Variants in LRRC47 observed in about 807,000 individuals in gnomAD.
The protein encoded by LRRC47 is leucine rich repeat containing 47, also known as leucine-rich repeat-containing protein 47.
A neutral mutation model predicts 40.9 loss-of-function variants in LRRC47; 31 were observed. That is an observed-to-expected ratio of 0.76 (90% CI 0.57 to 1.02). LRRC47 has a LOEUF of 1.02. Among genes scored for constraint, LRRC47 ranks in the 50% least tolerant of loss-of-function variants. The pLI, the probability that LRRC47 is intolerant of heterozygous loss-of-function variation, is 0.00. For missense variants in LRRC47, 726 were observed against 796.1 expected (o/e 0.91, Z 1.06); for synonymous variants, 427 against 371.9 (o/e 1.15, Z -1.70).
In LRRC47 at chr1:3,781,001, G is replaced by C; in HGVS notation, c.*87C>G. 2.0e-6 allele frequency: 3 copies of C among 1,534,730 alleles called. No homozygotes were observed. On this transcript the variant is annotated 3_prime_UTR_variant, in exon 7 of 7. Transcript: ENST00000378251. ...AAAAAAAAAACCAACAAAAAAACTG[G>C]GGTGAAAATCTAACGGATAATTCAG...
chr1:3,787,452 C>T (rs887076767), intron 1 of LRRC47, 142 bp from the exon 2 acceptor site: 17 of 760,170 alleles, frequency 2.2e-5, no homozygotes, highest in African/African-American at 3.5e-5. Flanking sequence ...TGGGGAGCCA[C>T]AAGTCATTCA....
chr1:3,781,385 G>A lies in LRRC47; in HGVS notation c.1504-49C>T, dbSNP rs763453745. 5.0e-6 allele frequency: 8 copies of A among 1,595,304 alleles called. No individual in the cohort carries two copies. In the Admixed American group the frequency reaches 5.1e-5, roughly 10 times the overall value. ...AACCTGGAGATGAGAGGTGACCCAG[G>A]GAAGACATGCTGCTGTCTGCCAACA... is the stretch of plus-strand genomic sequence containing the variant. On this transcript the variant is annotated intron_variant, in intron 6 of 6. Coordinates refer to ENST00000378251, the MANE Select transcript of LRRC47 (RefSeq NM_020710.3).
In LRRC47 at chr1:3,780,856, G is replaced by A. The variant is rs571478573; in HGVS notation, c.*232C>T. ...CTGAGCTTAGTGGCACACACCTGTA[G>A]TCCCAGCTACTTGGGAGGCTGAGGC... On this transcript the variant is annotated 3_prime_UTR_variant, in exon 7 of 7. Transcript: ENST00000378251. The A allele has an allele frequency of 1.6e-4, 89 of 570,570 alleles. No homozygotes were observed. The highest frequency in any genetic ancestry group is 1.5e-3 in the African/African-American group (81 of 53,230). 35.3% of individuals were successfully genotyped at this position (570,570 alleles called of 1,614,324 possible). A position where few individuals can be genotyped will look rare whatever the true frequency, so the allele number is the denominator to read the frequency against.
intron 1 of LRRC47, 29 bp from the exon 2 acceptor site, chr1:3,787,339 C>A: frequency 6.3e-7 from 1 of 1,579,590 alleles, no homozygotes; most frequent in Non-Finnish European, 8.6e-7. Context: ...ACGCGTCAGA[C>A]GCCCGGACTC....
rs181794904 is a variant in LRRC47, at chr1:3,795,547, C to A, written c.615+315G>T. 4.6e-5 allele frequency among the ~76,000 whole-genome samples: 7 copies of A among 152,296 alleles called. 1 individual carries two copies. In the East Asian group the frequency reaches 1.2e-3, roughly 25 times the overall value. On this transcript the variant is annotated intron_variant, in intron 1 of 6. Transcript: ENST00000378251. ...TACAAAAAAGACAGGTCTCTACGCT[C>A]GATCTACAGGAGAAGCCAGGTTTGC... is the stretch of plus-strand genomic sequence containing the variant.
chr1:3,782,830 A>G, intron 4 of LRRC47, 67 bp from the exon 5 acceptor site: 1 of 1,008,812 alleles, frequency 9.9e-7, no homozygotes, highest in East Asian at 2.4e-5. Flanking sequence ...GTGTGGTGGC[A>G]TGTGCCTGTG....
rs746227070 is a variant in LRRC47, at chr1:3,786,918, A to G, written c.1008T>C (p.Ile336=). Residue 336 remains isoleucine (I), a synonymous_variant, in exon 2 of 7, where the codon ATT becomes ATC. Transcript: ENST00000378251. ...CCATGCCTCGCACCACGGCCCCCAC[A>G]ATGTAGGGCCGCACATCCCGGACCT... ...SPEVRDVRPY[I]VGAVVRGMDL... 1 of 1,607,534 alleles carries G rather than the reference A, an allele frequency of 6.2e-7. No homozygotes were observed. Among genetic ancestry groups the G allele is most frequent in the Non-Finnish European group, 8.5e-7 (1 of 1,177,332 alleles).
intron 1 of LRRC47, among the ~76,000 whole-genome samples, chr1:3,789,135 C>T (rs778991045): frequency 7.2e-5 from 11 of 152,262 alleles, no homozygotes; most frequent in Non-Finnish European, 1.5e-4. Context: ...GGAGCCGTAT[C>T]ACCAATGCTG....
intron 1 of LRRC47, among the ~76,000 whole-genome samples, chr1:3,789,434 G>A (rs1043190228): frequency 8.5e-5 from 13 of 152,268 alleles, no homozygotes; most frequent in Non-Finnish European, 1.8e-4. Flanking sequence ...CACGCAGTGC[G>A]GCGTCTCCCT....
Position 3,778,741 on chromosome 1 carries a change from A to G in LRRC47, c.*2347T>C, listed in dbSNP as rs71634370. ...CACGCAGTGACAGATGTGTTACAGCATGGACACCAAGTCCCCGGGAGCCAA... is the reference window on the plus strand; with the variant it reads ...CACGCAGTGACAGATGTGTTACAGCGTGGACACCAAGTCCCCGGGAGCCAA... On this transcript the variant is annotated 3_prime_UTR_variant, in exon 7 of 7. Coordinates refer to ENST00000378251, the MANE Select transcript of LRRC47 (RefSeq NM_020710.3). The G allele has an allele frequency of 0.11, 16,881 of 152,436 alleles. 1,060 individuals are homozygous for G. The highest frequency in any genetic ancestry group is 0.14 in the African/African-American group (5,908 of 41,522). The allele number at this position is 152,436 out of a possible 1,614,324, so 9.4% of individuals were successfully genotyped here.
chr1:3,784,494 C>T (rs1283577611), intron 3 of LRRC47, among the ~76,000 whole-genome samples: 1 of 152,246 alleles, frequency 6.6e-6, no homozygotes, highest in East Asian at 1.9e-4. Flanking sequence ...ACTCACCCTA[C>T]TGCCAACCCC....
At chr1:3,791,601 C>T (rs1643627165) in intron 1 of LRRC47, among the ~76,000 whole-genome samples, 1 of 152,218 alleles carries the variant, frequency 6.6e-6, no homozygotes, top group African/African-American at 2.4e-5. Context: ...GGATTACAGG[C>T]ATGCGCCACC....
At chr1:3,791,097 C>T (rs1023468314) in intron 1 of LRRC47, among the ~76,000 whole-genome samples, 3 of 152,162 alleles carry the variant, frequency 2.0e-5, no homozygotes, top group African/African-American at 4.8e-5. Flanking sequence ...GGCCCCGAGA[C>T]GACACACGGA....
In LRRC47 at chr1:3,796,498, C is replaced by T. The variant is rs770281905; in HGVS notation, c.-22G>A. The T allele has an allele frequency of 6.7e-7, 1 of 1,489,886 alleles. No individual in the cohort carries two copies. The highest frequency in any genetic ancestry group is 1.3e-5 in the South Asian group (1 of 78,760). 92.3% of individuals were successfully genotyped at this position (1,489,886 alleles called of 1,614,324 possible). A position where few individuals can be genotyped will look rare whatever the true frequency, so the allele number is the denominator to read the frequency against. ...CCATGGCGCCTCAGCTGCTGGCAGG[C>T]ACCCACCCACCAGGGTGCTTCCGGG... On this transcript the variant is annotated 5_prime_UTR_variant, in exon 1 of 7. Transcript: ENST00000378251.
At chr1:3,782,861 G>A in intron 4 of LRRC47, 98 bp from the exon 5 acceptor site, 1 of 776,160 alleles carries the variant, frequency 1.3e-6, no homozygotes, top group South Asian at 1.5e-5. Context: ...TCAGGAGGCT[G>A]AGACAGGAGG....
intron 1 of LRRC47, 92 bp downstream of exon 1, chr1:3,795,770 C>A (rs981653844): frequency 3.3e-5 from 45 of 1,379,288 alleles, no homozygotes; most frequent in Admixed American, 3.2e-4. Flanking sequence ...CCCCAGGGGG[C>A]GTCACTAGGA....
intron 3 of LRRC47, 63 bp from the exon 4 acceptor site, chr1:3,784,174 G>A (rs986846733): frequency 2.3e-5 from 33 of 1,409,338 alleles, no homozygotes; most frequent in African/African-American, 1.6e-4. Context: ...CCATCGTGTC[G>A]ATTACGGCCT....
intron 2 of LRRC47, among the ~76,000 whole-genome samples, chr1:3,786,590 G>A (rs890739265): frequency 1.1e-4 from 17 of 152,308 alleles, no homozygotes; most frequent in African/African-American, 3.6e-4. Flanking sequence ...GGGTGCAGGC[G>A]TCTGTGAAGA....
rs1380454804 is a variant in LRRC47 at position 3,795,721 on chromosome 1, G to A, written c.615+141C>T. On this transcript the variant is annotated intron_variant, in intron 1 of 6. Transcript: ENST00000378251. ...CCCAGGGGTGATGCCCCCCGCAGCT[G>A]GCTCCTTTCAGCCTTGTAGGAATTC... is the stretch of plus-strand genomic sequence containing the variant. 10 of 1,147,372 alleles carry A rather than the reference G, an allele frequency of 8.7e-6. No homozygotes were observed. The East Asian group carries it at 1.2e-4, about 14-fold the overall frequency. 71.1% of individuals were successfully genotyped at this position (1,147,372 alleles called of 1,614,324 possible).
Sources: allele counts gnomAD v4.1 joint callset (sites outside exome capture counted in the v4.1 genomes callset), GRCh38; gene constraint gnomAD v4.1.1; transcripts MANE v1.5; gene names NCBI Gene and HGNC (gene_info 2026-07-23, HGNC 2026-07-21).